ARHGEF18: variants seen among roughly 807,000 people sequenced by gnomAD.
ARHGEF18 encodes rho guanine nucleotide exchange factor 18.
A neutral mutation model predicts 155.7 loss-of-function variants in ARHGEF18; 93 were observed. That is an observed-to-expected ratio of 0.60 (90% confidence interval 0.50 to 0.71). The LOEUF is 0.71. ARHGEF18 is among the 30% of genes least tolerant of loss of function. The pLI, the probability that ARHGEF18 is intolerant of heterozygous loss-of-function variation, is 0.00. For synonymous variants in ARHGEF18, 742 were observed against 753.1 expected (o/e 0.99, Z 0.24); for missense variants, 1,593 against 1,816.1 (o/e 0.88, Z 2.23).
rs895503608 is a variant in ARHGEF18 at position 7,440,881 on chromosome 19, G to A, written c.1106+399G>A. ...CTTGATAATGCCTGCAGCGGTGTCC[G>A]GGTAGAAAGTGATGCTAGAAGCTGA... On this transcript the variant is annotated intron_variant, in intron 11 of 28. Coordinates refer to ENST00000668164, the MANE Select transcript of ARHGEF18 (RefSeq NM_001367823.1). The surrounding 1 kb of genome is among the most constrained non-coding windows in gnomAD (Gnocchi z 5.4). Among the ~76,000 whole-genome samples, 21 of 152,084 alleles carry A rather than the reference G, an allele frequency of 1.4e-4. No individual in the cohort carries two copies. Among genetic ancestry groups the A allele is most frequent in the African/African-American group, 5.1e-4 (21 of 41,406 alleles).
chr19:7,463,696 G>A lies in ARHGEF18; in HGVS notation c.2636-122G>A, dbSNP rs895235385. 1 of 1,222,278 alleles carries A rather than the reference G, an allele frequency of 8.2e-7. No homozygotes were observed. The highest frequency in any genetic ancestry group is 1.5e-5 in the African/African-American group (1 of 65,086). 75.7% of individuals were successfully genotyped at this position (1,222,278 alleles called of 1,614,324 possible). A position where few individuals can be genotyped will look rare whatever the true frequency, so the allele number is the denominator to read the frequency against. ...GAAATCCCACGGCACACAGAAGGGG[G>A]CAGGCGATCACCACCCCAGTGAGTC... On this transcript the variant is annotated intron_variant, in intron 21 of 28. Transcript: ENST00000668164. The surrounding 1 kb of genome is among the most constrained non-coding windows in gnomAD (Gnocchi z 5.2).
intron 15 of ARHGEF18, among the ~76,000 whole-genome samples, chr19:7,449,395 G>A (rs1012884843): frequency 2.0e-5 from 3 of 152,056 alleles, no homozygotes; most frequent in African/African-American, 4.8e-5. Flanking sequence ...GGAATATGGC[G>A]AAACCTCATC....
chr19:7,379,239 A>T, intron 7 of ARHGEF18, 73 bp downstream of exon 7: 1 of 1,193,580 alleles, frequency 8.4e-7, no homozygotes, highest in Non-Finnish European at 1.0e-6. Flanking sequence ...AGGGGTGTGC[A>T]CAGGTGTAGG....
In ARHGEF18 at chr19:7,444,400, G is replaced by C. The variant is rs1974864680; in HGVS notation, c.1557G>C (p.Glu519Asp). The C allele has an allele frequency of 6.2e-7, 1 of 1,613,720 alleles. No individual in the cohort carries two copies. Among genetic ancestry groups the C allele is most frequent in the Non-Finnish European group, 8.5e-7 (1 of 1,180,032 alleles). Residue 519 changes from glutamate to aspartate, a missense_variant, in exon 14 of 29, where the codon GAG becomes GAC. By Grantham distance (45) the Glu-to-Asp change is conservative. Transcript: ENST00000668164. The surrounding 1 kb of genome is among the most constrained non-coding windows in gnomAD (Gnocchi z 4.7). ...LKERRQESLE[E>D]GSDRNYVIQK... The stretch of plus-strand genomic sequence containing the variant: ...AGCGCCGCCAGGAGTCCCTGGAGGA[G>C]GGCAGTGACCGGAATTATGTCATCC...
At chr19:7,378,274 T>C in intron 5 of ARHGEF18, 120 bp from the exon 6 acceptor site, 2 of 650,222 alleles carry the variant, frequency 3.1e-6, no homozygotes, top group Non-Finnish European at 4.4e-6. Flanking sequence ...GTACAGGCCC[T>C]GTCTGCATGG....
intron 10 of ARHGEF18, among the ~76,000 whole-genome samples, chr19:7,398,042 T>C (rs760798630): frequency 3.9e-5 from 6 of 152,294 alleles, no homozygotes; most frequent in Non-Finnish European, 8.8e-5. Context: ...CATGCCACTG[T>C]GTATATATAC....
intron 10 of ARHGEF18, among the ~76,000 whole-genome samples, chr19:7,427,447 T>A (rs1053873819): frequency 6.7e-6 from 1 of 149,658 alleles, no homozygotes; most frequent in African/African-American, 2.5e-5. Flanking sequence ...GAGTTCAAGA[T>A]CTGCCTGGGC....
chr19:7,401,985 T>C (rs766919454), intron 10 of ARHGEF18, among the ~76,000 whole-genome samples: 1 of 152,218 alleles, frequency 6.6e-6, no homozygotes, highest in East Asian at 1.9e-4. Context: ...TGCTGTATGA[T>C]TCCATTTATA....
At position 7,470,398 on chromosome 19, in the gene ARHGEF18, C is replaced by T; in HGVS notation, c.*100C>T. On this transcript the variant is annotated 3_prime_UTR_variant, in exon 29 of 29. Transcript: ENST00000668164. The surrounding 1 kb of genome is among the most constrained non-coding windows in gnomAD (Gnocchi z 5.9). ...GTCACCATGCCCACCCAGCTGTCCC[C>T]TCCTCTTCCCTAGCAAACCACTGAT... is the stretch of plus-strand genomic sequence containing the variant. 8.6e-7 allele frequency: 1 copy of T among 1,161,996 alleles called. No homozygotes were observed. Among genetic ancestry groups the T allele is most frequent in the South Asian group, 3.1e-5 (1 of 32,354 alleles). The allele number at this position is 1,161,996 out of a possible 1,614,324, so 72.0% of individuals were successfully genotyped here.
At chr19:7,386,234 C>CA (rs539106383) in intron 10 of ARHGEF18, among the ~76,000 whole-genome samples, 39,161 of 108,030 alleles carry the variant, frequency 0.36, 5,996 homozygotes, top group Non-Finnish European at 0.42. Flanking sequence ...TGCTATGTTG[C>CA]AAAAAAAAAA....
intron 10 of ARHGEF18, among the ~76,000 whole-genome samples, chr19:7,416,156 G>A (rs1972991662): frequency 6.6e-6 from 1 of 152,170 alleles, no homozygotes; most frequent in African/African-American, 2.4e-5. Flanking sequence ...TCAGCACACT[G>A]GGAGGCCTAG....
At chr19:7,446,765 C>T (rs1179239042) in intron 14 of ARHGEF18, among the ~76,000 whole-genome samples, 3 of 150,350 alleles carry the variant, frequency 2.0e-5, no homozygotes, top group Non-Finnish European at 3.0e-5. Flanking sequence ...GGCGTGGTGG[C>T]GGCACCTGTA....
chr19:7,385,480 ATTATTATTATTTTG>A (rs1970958885), intron 10 of ARHGEF18, among the ~76,000 whole-genome samples: 1 of 145,494 alleles, frequency 6.9e-6, no homozygotes, highest in African/African-American at 2.6e-5. Flanking sequence ...TATTATTATT[ATTATTATTATTTTG>A]AGACGGAGTC....
chr19:7,421,979 G>T (rs1450393667), intron 10 of ARHGEF18, among the ~76,000 whole-genome samples: 1 of 151,826 alleles, frequency 6.6e-6, no homozygotes. Flanking sequence ...CGTCATCCTG[G>T]CCTCCTCCAT....
Position 7,466,902 on chromosome 19 carries a change from G to A in ARHGEF18, c.2905-16G>A. On this transcript the variant is annotated splice_polypyrimidine_tract_variant and intron_variant, in intron 23 of 28. Coordinates refer to ENST00000668164, the MANE Select transcript of ARHGEF18 (RefSeq NM_001367823.1). ...CTTGAGCCACTCTCTCTGGTTTGACGGTGTCCTCTTCCCAGGTGGAGGCGC... is the reference window on the plus strand; with the variant it reads ...CTTGAGCCACTCTCTCTGGTTTGACAGTGTCCTCTTCCCAGGTGGAGGCGC... 1 of 1,612,858 alleles carries A rather than the reference G, an allele frequency of 6.2e-7. No individual in the cohort carries two copies. The highest frequency in any genetic ancestry group is 8.5e-7 in the Non-Finnish European group (1 of 1,179,874).
chr19:7,404,897 T>A (rs1042944750), intron 10 of ARHGEF18, among the ~76,000 whole-genome samples: 1 of 152,068 alleles, frequency 6.6e-6, no homozygotes, highest in Non-Finnish European at 1.5e-5. Context: ...CGTACAATAA[T>A]AGGATGCAAA....
intron 23 of ARHGEF18, 147 bp from the exon 24 acceptor site, chr19:7,466,771 T>TTGTTG: frequency 1.2e-6 from 1 of 816,968 alleles, no homozygotes; most frequent in Non-Finnish European, 1.8e-6. Flanking sequence ...GCCACTGCAC[T>TTGTTG]CCAGCTTGGG....
intron 8 of ARHGEF18, among the ~76,000 whole-genome samples, chr19:7,382,148 C>T (rs887158710): frequency 2.0e-5 from 3 of 152,056 alleles, no homozygotes; most frequent in Admixed American, 1.3e-4. Flanking sequence ...CGTGGTGGCT[C>T]ATGCCTGTAA....
chr19:7,399,330 T>C (rs963621576), intron 10 of ARHGEF18, among the ~76,000 whole-genome samples: 20 of 152,192 alleles, frequency 1.3e-4, no homozygotes, highest in African/African-American at 4.8e-4. Context: ...TTCTCATTTT[T>C]GTGATGCAAA....
Sources: gnomAD v4.1 joint callset for allele counts (sites outside exome capture counted in the v4.1 genomes callset) on GRCh38, gnomAD v4.1.1 for gene constraint, Gnocchi (gnomAD v3.1) non-coding constraint, MANE v1.5 for transcripts, NCBI Gene and HGNC (gene_info 2026-07-23, HGNC 2026-07-21) for gene names.